Variants in EHBP1 observed in about 807,000 individuals in gnomAD.
EHBP1 encodes EH domain binding protein 1.
A neutral mutation model predicts 144.0 loss-of-function variants in EHBP1; 55 were observed. That is an observed-to-expected ratio of 0.38 (90% confidence interval 0.31 to 0.48). EHBP1 has a LOEUF of 0.48. Among genes scored for constraint, EHBP1 ranks in the 20% least tolerant of loss-of-function variants. The pLI, the probability that EHBP1 is intolerant of heterozygous loss-of-function variation, is 0.98. For synonymous variants in EHBP1, 469 were observed against 472.7 expected, an observed-to-expected ratio of 0.99 and a Z score of 0.10; for missense variants, 1,200 against 1,364.2, an observed-to-expected ratio of 0.88 and a Z score of 1.90.
At chr2:62,920,608 T>C (rs1452296128) in intron 10 of EHBP1, among the ~76,000 whole-genome samples, 1 of 152,150 alleles carries the variant, frequency 6.6e-6, no homozygotes, top group African/African-American at 2.4e-5. Context: ...GTAAACATAA[T>C]TTAAGAGATG....
At chr2:62,890,068 C>T (rs2052329264) in intron 10 of EHBP1, among the ~76,000 whole-genome samples, 1 of 147,060 alleles carries the variant, frequency 6.8e-6, no homozygotes, top group Non-Finnish European at 1.5e-5. Flanking sequence ...TCAAGTGATT[C>T]TCCTGCCTCA....
chr2:62,875,517 A>G (rs189720594), intron 10 of EHBP1, among the ~76,000 whole-genome samples: 1 of 152,346 alleles, frequency 6.6e-6, no homozygotes, highest in East Asian at 1.9e-4. Flanking sequence ...TCAAAGATTA[A>G]AGGAACATCA....
intron 14 of EHBP1, among the ~76,000 whole-genome samples, chr2:62,973,589 T>G (rs1181813524): frequency 1.3e-5 from 2 of 152,208 alleles, no homozygotes; most frequent in African/African-American, 4.8e-5. Flanking sequence ...AATTAAATAT[T>G]ATGCACATAA....
At chr2:62,939,024 A>G (rs2056573578) in intron 10 of EHBP1, among the ~76,000 whole-genome samples, 1 of 152,184 alleles carries the variant, frequency 6.6e-6, no homozygotes, top group South Asian at 2.1e-4. Flanking sequence ...ATATAACAGT[A>G]TTTACTGAGT....
At chr2:63,033,996 G>T (rs778929937) in intron 19 of EHBP1, among the ~76,000 whole-genome samples, 1 of 151,974 alleles carries the variant, frequency 6.6e-6, no homozygotes, top group Non-Finnish European at 1.5e-5. Context: ...TACTCCAGCT[G>T]CAATAACGGA....
chr2:62,789,056 TCCAGAGTCACA>T (rs900815250), intron 5 of EHBP1, among the ~76,000 whole-genome samples: 1 of 152,202 alleles, frequency 6.6e-6, no homozygotes, highest in African/African-American at 2.4e-5. Flanking sequence ...AAACCTTAGA[TCCAGAGTCACA>T]CCTATGGAGA....
intron 14 of EHBP1, among the ~76,000 whole-genome samples, chr2:62,957,076 C>G (rs1019834325): frequency 2.0e-5 from 3 of 152,152 alleles, no homozygotes; most frequent in African/African-American, 7.2e-5. Context: ...CAGTTATGAA[C>G]ATAGATGTAA....
chr2:62,919,761 A>G (rs1049156608), intron 10 of EHBP1, among the ~76,000 whole-genome samples: 8 of 152,176 alleles, frequency 5.3e-5, no homozygotes, highest in Non-Finnish European at 7.4e-5. Flanking sequence ...TACTGAACAT[A>G]TGGAGAGAAT....
Position 63,020,323 on chromosome 2 carries a change from CAAAAAAAAAAAA to C in EHBP1, c.3104-17200_3104-17189del, listed in dbSNP as rs1001418542. ...TGTGCAACAGAGTGAGACTCTGTCT[CAAAAAAAAAAAA>C]AAAAAAAAAAAGAAAACATTAGCTG... On this transcript the variant is annotated intron_variant, in intron 19 of 22. Coordinates refer to ENST00000431489, the MANE Select transcript of EHBP1 (RefSeq NM_001142616.3). Among the ~76,000 whole-genome samples, 67 of 45,262 alleles carry C rather than the reference CAAAAAAAAAAAA, an allele frequency of 1.5e-3. No individual in the cohort carries two copies. In the East Asian group the frequency reaches 0.035, roughly 24 times the overall value. 29.7% of individuals were successfully genotyped at this position (45,262 alleles called of 152,430 possible).
chr2:62,949,594 TAAATC>T (rs1461578632), intron 13 of EHBP1, among the ~76,000 whole-genome samples: 13 of 152,162 alleles, frequency 8.5e-5, no homozygotes, highest in African/African-American at 1.4e-4. Flanking sequence ...TACTATAAAA[TAAATC>T]AAAGATGTTT....
intron 10 of EHBP1, among the ~76,000 whole-genome samples, chr2:62,938,642 GTCTT>G (rs2056542659): frequency 6.6e-6 from 1 of 152,060 alleles, no homozygotes; most frequent in Non-Finnish European, 1.5e-5. Flanking sequence ...AGATTTTTGT[GTCTT>G]TCTTCCTTTG....
chr2:62,999,376 C>T (rs530007435), intron 19 of EHBP1, among the ~76,000 whole-genome samples: 1 of 152,258 alleles, frequency 6.6e-6, no homozygotes, highest in East Asian at 1.9e-4. Context: ...ATGCATAATT[C>T]TGTAGCGTTT....
At chr2:62,827,340 TA>T (rs1364486020) in intron 6 of EHBP1, among the ~76,000 whole-genome samples, 1 of 152,090 alleles carries the variant, frequency 6.6e-6, no homozygotes, top group East Asian at 1.9e-4. Flanking sequence ...ACTGAGTAAT[TA>T]AAAATAAAGA....
chr2:62,861,748 GAAAAA>G (rs879805138), intron 8 of EHBP1, among the ~76,000 whole-genome samples: 2 of 134,900 alleles, frequency 1.5e-5, no homozygotes, highest in African/African-American at 2.7e-5. Context: ...TCCAGCTCAG[GAAAAA>G]AAAAAAAAGA....
At chr2:63,034,114 A>T (rs2061370018) in intron 19 of EHBP1, among the ~76,000 whole-genome samples, 1 of 152,120 alleles carries the variant, frequency 6.6e-6, no homozygotes, top group African/African-American at 2.4e-5. Context: ...AGGAAAAAAT[A>T]TTACCAGAGA....
At chr2:63,024,135 G>A (rs1161353608) in intron 19 of EHBP1, among the ~76,000 whole-genome samples, 1 of 152,078 alleles carries the variant, frequency 6.6e-6, no homozygotes, top group African/African-American at 2.4e-5. Context: ...CATGAGGTCA[G>A]GAGTTCGAGA....
intron 10 of EHBP1, among the ~76,000 whole-genome samples, chr2:62,879,590 C>CACAGAG (rs1453595274): frequency 7.2e-6 from 1 of 139,130 alleles, no homozygotes; most frequent in African/African-American, 2.7e-5. Flanking sequence ...CACACACACA[C>CACAGAG]AGAGACAGAG....
chr2:62,953,149 G>A (rs1184718587), intron 13 of EHBP1, among the ~76,000 whole-genome samples: 6 of 150,142 alleles, frequency 4.0e-5, no homozygotes, highest in Admixed American at 1.3e-4. Context: ...CCCGGGAGGC[G>A]GAGGTTGCGG....
intron 5 of EHBP1, among the ~76,000 whole-genome samples, chr2:62,783,451 C>T (rs2042584151): frequency 6.6e-6 from 1 of 152,248 alleles, no homozygotes; most frequent in South Asian, 2.1e-4. Context: ...AGGGCTCTGC[C>T]CCTGCAGCAA....
Sources: gnomAD v4.1 joint callset for allele counts (sites outside exome capture counted in the v4.1 genomes callset) on GRCh38, gnomAD v4.1.1 for gene constraint, MANE v1.5 for transcripts, NCBI Gene and HGNC (gene_info 2026-07-23, HGNC 2026-07-21) for gene names.